HHIP: variants seen among roughly 807,000 people sequenced by gnomAD.
HHIP encodes the protein hedgehog-interacting protein.
A neutral mutation model predicts 74.0 loss-of-function variants in HHIP; 12 were observed. The ratio of observed to expected loss-of-function variants is 0.16; its 90% CI spans 0.10 to 0.26. HHIP has a LOEUF of 0.26. Ranked by LOEUF, HHIP falls within the 10% of genes least tolerant of loss-of-function variation. The pLI, the probability that HHIP is intolerant of heterozygous loss-of-function variation, is 1.00. For missense variants in HHIP, 788 were observed against 845.0 expected (o/e 0.93, Z 0.84); for synonymous variants, 309 against 311.6 (o/e 0.99, Z 0.09).
chr4:144,707,341 TAAG>T lies in HHIP; in HGVS notation c.1157+84_1157+86del. ...GAAGAAAAGGTGGGCACCAGTGAATTAAGAACCATCTTTGAATGGTCACCTTGG... is the reference window on the plus strand; with the variant it reads ...GAAGAAAAGGTGGGCACCAGTGAATTAACCATCTTTGAATGGTCACCTTGG... On this transcript the variant is annotated intron_variant, in intron 6 of 12. Transcript: ENST00000296575. 7.6e-6 allele frequency: 9 copies of T among 1,190,428 alleles called. No homozygotes were observed. In the South Asian group the frequency reaches 1.4e-4, roughly 18 times the overall value. The allele number at this position is 1,190,428 out of a possible 1,614,324, so 73.7% of individuals were successfully genotyped here.
chr4:144,670,370 A>G (rs1728999869), intron 4 of HHIP, among the ~76,000 whole-genome samples: 1 of 151,466 alleles, frequency 6.6e-6, no homozygotes, highest in African/African-American at 2.4e-5. Flanking sequence ...TTGAGGCAGT[A>G]GAATCACTTG....
At chr4:144,729,738 C>G (rs1462495952) in intron 11 of HHIP, among the ~76,000 whole-genome samples, 2 of 152,154 alleles carry the variant, frequency 1.3e-5, no homozygotes, top group Non-Finnish European at 2.9e-5. Context: ...TCTTATGTTA[C>G]CTTCCACCCT....
At chr4:144,730,143 G>A (rs1445597086) in intron 11 of HHIP, among the ~76,000 whole-genome samples, 1 of 152,180 alleles carries the variant, frequency 6.6e-6, no homozygotes, top group African/African-American at 2.4e-5. Context: ...TCTAATGGAT[G>A]TTATAAATAA....
chr4:144,734,283 T>C (rs1200418398), intron 11 of HHIP, among the ~76,000 whole-genome samples: 1 of 151,922 alleles, frequency 6.6e-6, no homozygotes, highest in Non-Finnish European at 1.5e-5. Context: ...ACAAGTCATT[T>C]TGATGAATGC....
intron 8 of HHIP, among the ~76,000 whole-genome samples, chr4:144,713,259 CAG>C (rs1176802609): frequency 1.3e-5 from 2 of 152,064 alleles, no homozygotes; most frequent in Non-Finnish European, 2.9e-5. Context: ...CACAAAGTGG[CAG>C]AGTCTGGATT....
chr4:144,733,577 G>C (rs1299863299), intron 11 of HHIP, among the ~76,000 whole-genome samples: 3 of 152,072 alleles, frequency 2.0e-5, no homozygotes, highest in Non-Finnish European at 2.9e-5. Context: ...ATCTCAAAAA[G>C]CTCTGTAATT....
Position 144,665,963 on chromosome 4 carries a change from G to C in HHIP, c.831+6125G>C, listed in dbSNP as rs150456235. On this transcript the variant is annotated intron_variant, in intron 4 of 12. Coordinates refer to ENST00000296575, the MANE Select transcript of HHIP (RefSeq NM_022475.3). ...AAGCTATAAATCTGAGCAATCTCAT[G>C]GTAATCACTTAAAACAAGTGAAAAA... 2.9e-3 allele frequency among the ~76,000 whole-genome samples: 443 copies of C among 152,218 alleles called. 3 individuals are homozygous for C. Among genetic ancestry groups the C allele is most frequent in the African/African-American group, 0.01 (419 of 41,516 alleles).
chr4:144,699,494 C>T (rs113354946), intron 4 of HHIP, among the ~76,000 whole-genome samples: 2 of 152,002 alleles, frequency 1.3e-5, no homozygotes, highest in African/African-American at 4.8e-5. Context: ...GTGATTGAAC[C>T]CAACCTCCAA....
intron 11 of HHIP, among the ~76,000 whole-genome samples, chr4:144,727,977 A>T (rs2126682332): frequency 6.6e-6 from 1 of 152,324 alleles, no homozygotes; most frequent in Admixed American, 6.5e-5. Context: ...ACACTTTCTG[A>T]TCTTTTAAAC....
intron 4 of HHIP, among the ~76,000 whole-genome samples, chr4:144,704,431 CA>C (rs1357430296): frequency 2.0e-5 from 3 of 152,132 alleles, no homozygotes; most frequent in Non-Finnish European, 2.9e-5. Context: ...AAAATGCCCC[CA>C]AAGTCATTTA....
chr4:144,713,229 A>G (rs189446797), intron 8 of HHIP, among the ~76,000 whole-genome samples: 7 of 152,252 alleles, frequency 4.6e-5, no homozygotes, highest in African/African-American at 1.4e-4. Flanking sequence ...TGAGGCACAG[A>G]AAGATTAATT....
intron 4 of HHIP, among the ~76,000 whole-genome samples, chr4:144,696,595 G>T (rs1729826000): frequency 6.6e-6 from 1 of 151,774 alleles, no homozygotes; most frequent in African/African-American, 2.4e-5. Context: ...GTACTTGGTA[G>T]GGCACTGTAA....
At chr4:144,654,222 TGAAA>T (rs886253444) in intron 2 of HHIP, among the ~76,000 whole-genome samples, 3 of 152,138 alleles carry the variant, frequency 2.0e-5, no homozygotes, top group Admixed American at 6.5e-5. Context: ...TAATATCCAC[TGAAA>T]GAGAGAGCAC....
chr4:144,653,019 T>A lies in HHIP; in HGVS notation c.472+222T>A, dbSNP rs1045333010. ...CATTATAATTGGTTTTGTTGACTTGTTATATATTTCTTGTTAAGCTGGTAA... is the reference window on the plus strand; with the variant it reads ...CATTATAATTGGTTTTGTTGACTTGATATATATTTCTTGTTAAGCTGGTAA... On this transcript the variant is annotated intron_variant, in intron 2 of 12. Transcript: ENST00000296575. 2.6e-5 allele frequency among the ~76,000 whole-genome samples: 4 copies of A among 152,260 alleles called. No individual in the cohort carries two copies. The East Asian group carries it at 5.8e-4, about 22-fold the overall frequency.
At chr4:144,684,911 A>T (rs1027715384) in intron 4 of HHIP, among the ~76,000 whole-genome samples, 1 of 152,198 alleles carries the variant, frequency 6.6e-6, no homozygotes, top group Non-Finnish European at 1.5e-5. Context: ...TAACTTCATT[A>T]TCTTGGCCCC....
intron 1 of HHIP, among the ~76,000 whole-genome samples, chr4:144,649,825 A>T (rs1325520389): frequency 6.6e-6 from 1 of 152,128 alleles, no homozygotes; most frequent in Non-Finnish European, 1.5e-5. Context: ...AACACATCCA[A>T]CTAAACAAAT....
Position 144,646,713 on chromosome 4 carries a change from C to G in HHIP, c.38C>G (p.Ala13Gly). 6.2e-7 allele frequency: 1 copy of G among 1,614,154 alleles called. No individual in the cohort carries two copies. The highest frequency in any genetic ancestry group is 8.5e-7 in the Non-Finnish European group (1 of 1,180,012). The part of the protein sequence containing the change: ...KMLSFKLLLL[A>G]VALGFFEGDA... ...CTCTCCTTTAAGCTGCTGCTGCTGGCCGTGGCTCTGGGCTTCTTTGAAGGA... is the reference window on the plus strand; with the variant it reads ...CTCTCCTTTAAGCTGCTGCTGCTGGGCGTGGCTCTGGGCTTCTTTGAAGGA... The change falls in exon 1 of 13, where the codon GCC becomes GGC. Residue 13 changes from alanine (A) to glycine (G), a missense_variant. Around this residue, in one of 3 missense-constraint regions of HHIP, gnomAD observed 373 missense variants for 366.4 expected, o/e 1.02. Coordinates refer to ENST00000296575, the MANE Select transcript of HHIP (RefSeq NM_022475.3).
chr4:144,735,708 C>T (rs1731097286), intron 12 of HHIP, among the ~76,000 whole-genome samples: 1 of 152,116 alleles, frequency 6.6e-6, no homozygotes, highest in South Asian at 2.1e-4. Context: ...ATTAAAACCT[C>T]AAATTAACAT....
chr4:144,692,425 C>T (rs1404487829), intron 4 of HHIP, among the ~76,000 whole-genome samples: 1 of 152,156 alleles, frequency 6.6e-6, no homozygotes, highest in Non-Finnish European at 1.5e-5. Context: ...AAGAATCATA[C>T]TCATTACAGA....
Sources: gnomAD v4.1 joint callset for allele counts (sites outside exome capture counted in the v4.1 genomes callset) on GRCh38, gnomAD v4.1.1 for gene constraint, gnomAD v4.1.1 regional missense constraint, MANE v1.5 for transcripts, NCBI Gene and HGNC (gene_info 2026-07-23, HGNC 2026-07-21) for gene names.